The following NOS1AP variants were observed in gnomAD, a reference collection of about 807,000 sequenced individuals.
The protein encoded by NOS1AP is carboxyl-terminal PDZ ligand of neuronal nitric oxide synthase protein.
NOS1AP carries 21 observed loss-of-function variants against 56.2 expected under a neutral mutation model. The observed-to-expected ratio is 0.37, with a 90% CI of 0.26 to 0.54. The LOEUF (loss-of-function observed/expected upper bound fraction) is 0.54. Ranked by LOEUF, NOS1AP falls within the 20% of genes least tolerant of loss-of-function variation. The pLI, the probability that NOS1AP is intolerant of heterozygous loss-of-function variation, is 0.84. For missense variants in NOS1AP, 522 were observed against 657.8 expected (o/e 0.79, Z 2.26); for synonymous variants, 270 against 274.6 (o/e 0.98, Z 0.17).
At chr1:162,081,157 A>T (rs181457097) in intron 1 of NOS1AP, among the ~76,000 whole-genome samples, 36 of 152,282 alleles carry the variant, frequency 2.4e-4, no homozygotes, top group African/African-American at 7.7e-4. Context: ...TAATCTTTAC[A>T]GTGGCCCCTA....
chr1:162,205,641 T>C (rs1381199028), intron 2 of NOS1AP, among the ~76,000 whole-genome samples: 1 of 152,206 alleles, frequency 6.6e-6, no homozygotes, highest in Non-Finnish European at 1.5e-5. Flanking sequence ...TCCGGTGTCA[T>C]CACTATTGGA....
At position 162,312,961 on chromosome 1, in the gene NOS1AP, G is replaced by A. The variant is rs1656094205; in HGVS notation, c.344+12255G>A. On this transcript the variant is annotated intron_variant, in intron 4 of 9. Transcript: ENST00000361897. ...CATGCTAAAAACTCTCAACAAATTA[G>A]GTATTGATGGGACGTATTTCAAAAT... Among the ~76,000 whole-genome samples, 2 of 151,554 alleles carry A rather than the reference G, an allele frequency of 1.3e-5. 1 individual carries two copies. The highest frequency in any genetic ancestry group is 1.3e-4 in the Admixed American group (2 of 15,226).
chr1:162,365,502 C>T lies in NOS1AP; in HGVS notation c.1038C>T (p.Leu346=), dbSNP rs938547463. Residue 346 remains leucine, a synonymous_variant, in exon 9 of 10, where the codon CTC becomes CTT. Coordinates refer to ENST00000361897, the MANE Select transcript of NOS1AP (RefSeq NM_014697.3). ...TTTTGCTGCAGAACAAGGACATGCT[C>T]CAGCACATCTCCCTGCTGGTCAAGC... The part of the protein sequence containing the change: ...HQLLLQNKDM[L]QHISLLVKQV... 1.2e-6 allele frequency: 2 copies of T among 1,613,860 alleles called. No homozygotes were observed. The highest frequency in any genetic ancestry group is 2.2e-5 in the South Asian group (2 of 91,084).
intron 5 of NOS1AP, among the ~76,000 whole-genome samples, chr1:162,338,328 G>A (rs1657004209): frequency 6.6e-6 from 1 of 152,066 alleles, no homozygotes; most frequent in South Asian, 2.1e-4. Context: ...TGAAAGATGT[G>A]TGCCCCCATT....
chr1:162,248,434 A>T (rs1473143050), intron 2 of NOS1AP, among the ~76,000 whole-genome samples: 1 of 152,194 alleles, frequency 6.6e-6, no homozygotes, highest in East Asian at 1.9e-4. Flanking sequence ...GGAACTTTTT[A>T]AATTTACCAT....
chr1:162,169,328 G>T (rs1461619250), intron 2 of NOS1AP, among the ~76,000 whole-genome samples: 1 of 152,222 alleles, frequency 6.6e-6, no homozygotes, highest in Non-Finnish European at 1.5e-5. Flanking sequence ...TCTTCATTTA[G>T]TAGGGATGAC....
At chr1:162,157,630 G>A (rs1650026817) in intron 2 of NOS1AP, among the ~76,000 whole-genome samples, 1 of 152,210 alleles carries the variant, frequency 6.6e-6, no homozygotes, top group African/African-American at 2.4e-5. Flanking sequence ...GAAAACAGCA[G>A]TTATGATAAG....
At chr1:162,171,919 T>C (rs979151837) in intron 2 of NOS1AP, among the ~76,000 whole-genome samples, 1 of 152,160 alleles carries the variant, frequency 6.6e-6, no homozygotes, top group African/African-American at 2.4e-5. Flanking sequence ...TTTTAGGCCA[T>C]ATATTTCCTC....
intron 8 of NOS1AP, chr1:162,364,195 TC>T (rs1220727129): frequency 3.0e-6 from 3 of 985,314 alleles, no homozygotes; most frequent in Non-Finnish European, 2.4e-6. Flanking sequence ...TGCTTTTGAC[TC>T]CCCATCCATC....
intron 1 of NOS1AP, among the ~76,000 whole-genome samples, chr1:162,083,831 G>A (rs1171920009): frequency 1.3e-5 from 2 of 152,074 alleles, no homozygotes; most frequent in African/African-American, 4.8e-5. Flanking sequence ...AGTAGCATAG[G>A]GCCTGAGTGT....
At chr1:162,278,033 T>C (rs1571184480) in intron 2 of NOS1AP, among the ~76,000 whole-genome samples, 1 of 152,228 alleles carries the variant, frequency 6.6e-6, no homozygotes, top group African/African-American at 2.4e-5. Context: ...CTACTTTCTA[T>C]GCAAAACTAT....
intron 4 of NOS1AP, among the ~76,000 whole-genome samples, chr1:162,329,970 C>A (rs1220097582): frequency 1.3e-5 from 2 of 152,226 alleles, no homozygotes; most frequent in Non-Finnish European, 2.9e-5. Context: ...ATGTACAGTT[C>A]TCATCAGATT....
Position 162,114,889 on chromosome 1 carries a change from T to C in NOS1AP, c.106-39516T>C, listed in dbSNP as rs72713875. Among the ~76,000 whole-genome samples, 909 of 152,368 alleles carry C rather than the reference T, an allele frequency of 6.0e-3. 7 individuals are homozygous for C. The highest frequency in any genetic ancestry group is 7.6e-3 in the Non-Finnish European group (518 of 68,034). On this transcript the variant is annotated intron_variant, in intron 1 of 9. Transcript: ENST00000361897. ...GTTGTAGGGGTGGGATGGTATCTCC[T>C]GTTGCATTTGTCTGTCCCTTGATGG... is the stretch of plus-strand genomic sequence containing the variant.
At chr1:162,111,186 T>C (rs1242569449) in intron 1 of NOS1AP, among the ~76,000 whole-genome samples, 1 of 152,078 alleles carries the variant, frequency 6.6e-6, no homozygotes, top group Non-Finnish European at 1.5e-5. Context: ...CTTTAGGCCT[T>C]TGGGGGCTTG....
At chr1:162,173,120 G>A (rs796641592) in intron 2 of NOS1AP, among the ~76,000 whole-genome samples, 1 of 152,166 alleles carries the variant, frequency 6.6e-6, no homozygotes, top group Non-Finnish European at 1.5e-5. Flanking sequence ...TGATGCAAAA[G>A]TTATTGCGTT....
chr1:162,118,168 T>C (rs1228303897), intron 1 of NOS1AP, among the ~76,000 whole-genome samples: 1 of 152,218 alleles, frequency 6.6e-6, no homozygotes, highest in Non-Finnish European at 1.5e-5. Flanking sequence ...TTGCATGACA[T>C]TGAGGCTTGG....
In NOS1AP at chr1:162,342,047, T is replaced by C. The variant is rs138894479; in HGVS notation, c.454-1788T>C. Reference sequence around the variant, plus strand: ...TCATGTCTTACACACTGCAAGCCTATGGTATGAGAAGGGGCCTAAGCCTGC... The same window carrying C: ...TCATGTCTTACACACTGCAAGCCTACGGTATGAGAAGGGGCCTAAGCCTGC... On this transcript the variant is annotated intron_variant, in intron 5 of 9. Transcript: ENST00000361897. 5.5e-3 allele frequency among the ~76,000 whole-genome samples: 845 copies of C among 152,288 alleles called. 4 individuals carry two copies. The highest frequency in any genetic ancestry group is 0.019 in the African/African-American group (808 of 41,560).
At chr1:162,227,300 C>A (rs1652978039) in intron 2 of NOS1AP, among the ~76,000 whole-genome samples, 1 of 152,160 alleles carries the variant, frequency 6.6e-6, no homozygotes, top group Admixed American at 6.5e-5. Flanking sequence ...TCCTGGTGGA[C>A]TTGTTGTGAA....
In NOS1AP at chr1:162,367,083, C is replaced by T; in HGVS notation, c.1137C>T (p.Thr379=). ...CCCAGGACAGCTTGCTGGAGATCAC[C>T]TTCCGCTCCGGAGCCCTGCCCGTGC... The part of the protein sequence containing the change: ...MGSQDSLLEI[T]FRSGALPVLC... Residue 379 remains threonine (T), a synonymous_variant, in exon 10 of 10, where the codon ACC becomes ACT. Coordinates refer to ENST00000361897, the MANE Select transcript of NOS1AP (RefSeq NM_014697.3). This position sits in a 1 kb window ranked among gnomAD's most constrained non-coding sequence, Gnocchi z 6.5. 1 of 1,613,976 alleles carries T rather than the reference C, an allele frequency of 6.2e-7. No homozygotes were observed. The highest frequency in any genetic ancestry group is 8.5e-7 in the Non-Finnish European group (1 of 1,180,020).
Sources: allele counts gnomAD v4.1 joint callset (sites outside exome capture counted in the v4.1 genomes callset), GRCh38; gene constraint gnomAD v4.1.1; non-coding constraint Gnocchi (gnomAD v3.1); transcripts MANE v1.5; gene names NCBI Gene and HGNC (gene_info 2026-07-23, HGNC 2026-07-21).